Variants in DEFB131A observed in about 807,000 individuals in gnomAD.
DEFB131A encodes beta-defensin 131A.
DEFB131A carries 5 observed loss-of-function variants against 2.4 expected under a neutral mutation model. The observed-to-expected ratio is 2.12, with a 90% CI of 1.11 to 4.47. The LOEUF is 4.47. DEFB131A is among the 30% of genes most tolerant of loss of function. The pLI is 0.00. For synonymous variants in DEFB131A, 34 were observed against 25.7 expected, an observed-to-expected ratio of 1.32 and a Z score of -0.97; for missense variants, 120 against 79.9, an observed-to-expected ratio of 1.50 and a Z score of -1.91.
chr4:9,445,138 G>T (rs912835328), intron 1 of DEFB131A, among the ~76,000 whole-genome samples: 2 of 151,986 alleles, frequency 1.3e-5, no homozygotes, highest in Non-Finnish European at 2.9e-5. Flanking sequence ...TCAAAAGATG[G>T]TGAGAGGATA....
chr4:9,445,226 A>T (rs1372411416), intron 1 of DEFB131A, among the ~76,000 whole-genome samples: 1 of 152,190 alleles, frequency 6.6e-6, no homozygotes, highest in Non-Finnish European at 1.5e-5. Flanking sequence ...AGAGGTGAAG[A>T]GGTGGATACT....
At chr4:9,444,658 A>C in intron 1 of DEFB131A, 67 bp downstream of exon 1, 1 of 1,525,010 alleles carries the variant, frequency 6.6e-7, no homozygotes, top group Admixed American at 1.8e-5. Context: ...AAGGTCTTTC[A>C]AGAGTCTGAA....
intron 1 of DEFB131A, among the ~76,000 whole-genome samples, chr4:9,447,777 G>T (rs752913684): frequency 1.1e-4 from 17 of 151,904 alleles, no homozygotes; most frequent in South Asian, 2.1e-4. Flanking sequence ...TAAAGATTGG[G>T]ACTTCAACAT....
intron 1 of DEFB131A, 38 bp from the exon 2 acceptor site, chr4:9,450,322 T>A (rs1717622809): frequency 6.8e-7 from 1 of 1,474,832 alleles, no homozygotes; most frequent in Non-Finnish European, 9.0e-7. Context: ...AAAAAGTAAG[T>A]AATATTGTGT....
At chr4:9,448,869 C>T (rs559913882) in intron 1 of DEFB131A, among the ~76,000 whole-genome samples, 38 of 152,242 alleles carry the variant, frequency 2.5e-4, no homozygotes, top group African/African-American at 8.7e-4. Flanking sequence ...AAATAAATGG[C>T]ATCCAAACAG....
chr4:9,449,247 A>G (rs1183131710), intron 1 of DEFB131A, among the ~76,000 whole-genome samples: 1 of 146,980 alleles, frequency 6.8e-6, no homozygotes. Flanking sequence ...TAATATTAAA[A>G]TATCCATACT....
In DEFB131A at chr4:9,444,868, A is replaced by G. The variant is rs1371867390; in HGVS notation, c.58+277A>G. ...AGGTGGGTGAGCACAGGAGTTCTAG[A>G]CCGACCTGGTGGGGGCAACAGGGTG... On this transcript the variant is annotated intron_variant, in intron 1 of 1. Coordinates refer to ENST00000334879, the MANE Select transcript of DEFB131A (RefSeq NM_001040448.3). Among the ~76,000 whole-genome samples the G allele has an allele frequency of 1.3e-5, 2 of 150,932 alleles. 1 individual carries two copies. The highest frequency in any genetic ancestry group is 1.3e-4 in the Admixed American group (2 of 15,094).
In DEFB131A at chr4:9,444,548, T is replaced by G; in HGVS notation, c.15T>G (p.Phe5Leu). The change falls in exon 1 of 2, where the codon TTT becomes TTG. Residue 5 changes from phenylalanine to leucine, a missense_variant. Phe to Leu is a conservative substitution (Grantham distance 22, BLOSUM62 0). Coordinates refer to ENST00000334879, the MANE Select transcript of DEFB131A (RefSeq NM_001040448.3). MRVL[F>L]FVFGVLSLMF... ...CCTATTCAACCATGAGGGTCTTGTT[T>G]TTTGTCTTTGGAGTCCTTTCCTTGA... is the stretch of plus-strand genomic sequence containing the variant. 6.2e-6 allele frequency: 10 copies of G among 1,611,764 alleles called. No homozygotes were observed. Among genetic ancestry groups the G allele is most frequent in the Non-Finnish European group, 8.5e-6 (10 of 1,179,702 alleles).
chr4:9,447,232 G>C (rs1389091858), intron 1 of DEFB131A, among the ~76,000 whole-genome samples: 6 of 152,058 alleles, frequency 3.9e-5, no homozygotes, highest in Non-Finnish European at 2.9e-5. Context: ...TCTCTCTTTA[G>C]CTCTAATGAC....
At chr4:9,448,488 C>T (rs112766992) in intron 1 of DEFB131A, among the ~76,000 whole-genome samples, 14 of 152,206 alleles carry the variant, frequency 9.2e-5, no homozygotes, top group African/African-American at 3.4e-4. Flanking sequence ...CCATGCCTGG[C>T]TAATTTTGTA....
chr4:9,447,021 G>C (rs1218939266), intron 1 of DEFB131A, among the ~76,000 whole-genome samples: 3 of 152,060 alleles, frequency 2.0e-5, no homozygotes, highest in East Asian at 3.9e-4. Context: ...GTCCAGCCTG[G>C]AGAATGTTCT....
Position 9,450,524 on chromosome 4 carries a change from C to T in DEFB131A, c.*10C>T, listed in dbSNP as rs781239603. On this transcript the variant is annotated 3_prime_UTR_variant, in exon 2 of 2. Transcript: ENST00000334879. ...ACAAAAGAAGTGGTGAAAATTCTAACTCCATCTTCTTCAGACTCCGGGACA... is the reference window on the plus strand; with the variant it reads ...ACAAAAGAAGTGGTGAAAATTCTAATTCCATCTTCTTCAGACTCCGGGACA... The T allele has an allele frequency of 1.2e-6, 2 of 1,606,386 alleles. No homozygotes were observed. The highest frequency in any genetic ancestry group is 3.4e-5 in the Admixed American group (2 of 59,406).
rs779200496 is a variant in DEFB131A at position 9,450,362 on chromosome 4, A to G, written c.61A>G (p.Arg21Gly). The G allele has an allele frequency of 1.9e-6, 3 of 1,556,626 alleles. No homozygotes were observed. Among genetic ancestry groups the G allele is most frequent in the South Asian group, 2.5e-5 (2 of 80,734 alleles). The change falls in exon 2 of 2, where the codon AGA becomes GGA. Residue 21 changes from arginine to glycine, a missense_variant and splice_region_variant. Physicochemically the swap from Arg to Gly is moderately radical, Grantham distance 125. Transcript: ENST00000334879. The stretch of plus-strand genomic sequence containing the variant: ...TAATTTGTCTTCTCTTTTTAAAGCC[A>G]GAAGCTTCATTTCTAATGATGAATG... ...LSLMFTVPPA[R>G]SFISNDECPS...
intron 1 of DEFB131A, among the ~76,000 whole-genome samples, chr4:9,445,702 C>A (rs116798697): frequency 0.12 from 17,713 of 151,788 alleles, 1,094 homozygotes; most frequent in Admixed American, 0.19. Context: ...TTATGAGATA[C>A]AATTTACCAT....
chr4:9,445,435 T>C (rs951498874), intron 1 of DEFB131A, among the ~76,000 whole-genome samples: 2 of 151,968 alleles, frequency 1.3e-5, no homozygotes, highest in African/African-American at 4.8e-5. Context: ...GCATATTAAT[T>C]AAATAATCAA....
chr4:9,448,010 A>T (rs1717546980), intron 1 of DEFB131A, among the ~76,000 whole-genome samples: 1 of 152,156 alleles, frequency 6.6e-6, no homozygotes, highest in Non-Finnish European at 1.5e-5. Context: ...GGGGAAAGAA[A>T]GGAACAGAAG....
intron 1 of DEFB131A, among the ~76,000 whole-genome samples, chr4:9,445,832 C>A (rs1717479211): frequency 6.6e-6 from 1 of 152,126 alleles, no homozygotes; most frequent in Non-Finnish European, 1.5e-5. Context: ...AATCTCTCCT[C>A]CTCCCAGTCC....
At chr4:9,447,398 T>C (rs1399416547) in intron 1 of DEFB131A, among the ~76,000 whole-genome samples, 1 of 152,192 alleles carries the variant, frequency 6.6e-6, no homozygotes, top group Admixed American at 6.5e-5. Flanking sequence ...TTGTCCAATA[T>C]AAATATAGAT....
At chr4:9,444,723 G>A in intron 1 of DEFB131A, 132 bp downstream of exon 1, 2 of 873,914 alleles carry the variant, frequency 2.3e-6, no homozygotes, top group African/African-American at 1.6e-5. Context: ...TCAGAGGATT[G>A]AAGAGTTGAT....
Sources: gnomAD v4.1 joint callset for allele counts (sites outside exome capture counted in the v4.1 genomes callset) on GRCh38, gnomAD v4.1.1 for gene constraint, MANE v1.5 for transcripts, NCBI Gene and HGNC (gene_info 2026-07-23, HGNC 2026-07-21) for gene names.